The following NAALADL2 variants were observed in gnomAD, a reference collection of about 807,000 sequenced individuals.
NAALADL2 encodes inactive N-acetylated-alpha-linked acidic dipeptidase-like protein 2.
A neutral mutation model predicts 87.2 loss-of-function variants in NAALADL2; 76 were observed. The ratio of observed to expected loss-of-function variants is 0.87; its 90% confidence interval spans 0.72 to 1.05. The LOEUF (loss-of-function observed/expected upper bound fraction) is 1.05, where lower values mean the gene tolerates loss of function less well. NAALADL2 is among the 50% of genes least tolerant of loss of function. The pLI is 0.00. For missense variants in NAALADL2, 1,089 were observed against 945.8 expected (o/e 1.15, Z -1.99); for synonymous variants, 354 against 331.0 (o/e 1.07, Z -0.75).
At chr3:174,666,857 T>C (rs1726000571) in intron 2 of NAALADL2, among the ~76,000 whole-genome samples, 1 of 152,154 alleles carries the variant, frequency 6.6e-6, no homozygotes. Context: ...CTCCAGCCCC[T>C]GCAAACCACC....
At chr3:175,637,296 A>G (rs2149746523) in intron 11 of NAALADL2, among the ~76,000 whole-genome samples, 1 of 152,344 alleles carries the variant, frequency 6.6e-6, no homozygotes, top group South Asian at 2.1e-4. Flanking sequence ...TCAAATTTTT[A>G]TTTCAGCCAT....
In NAALADL2 at chr3:175,704,889, A is replaced by G. The variant is rs533444625; in HGVS notation, c.1897-32417A>G. Among the ~76,000 whole-genome samples the G allele has an allele frequency of 2.6e-5, 4 of 152,338 alleles. No homozygotes were observed. In the East Asian group the frequency reaches 7.7e-4, roughly 29 times the overall value. On this transcript the variant is annotated intron_variant, in intron 11 of 13. Transcript: ENST00000454872. ...AAGTTTCATGTAAGTATGATGAAAC[A>G]TGTGAAAGCATCGTGCACACATTAC...
chr3:175,775,712 T>C (rs867813111), intron 13 of NAALADL2, among the ~76,000 whole-genome samples: 1 of 152,060 alleles, frequency 6.6e-6, no homozygotes, highest in Non-Finnish European at 1.5e-5. Context: ...GGGCACCCCA[T>C]CAGAAAGAAT....
chr3:174,867,105 A>T (rs1727242287), intron 1 of NAALADL2, among the ~76,000 whole-genome samples: 1 of 151,792 alleles, frequency 6.6e-6, no homozygotes, highest in African/African-American at 2.4e-5. Context: ...TCTATGTAAA[A>T]TATTTAACTA....
chr3:174,903,248 C>T (rs541747236), intron 1 of NAALADL2, among the ~76,000 whole-genome samples: 1 of 152,028 alleles, frequency 6.6e-6, no homozygotes, highest in Non-Finnish European at 1.5e-5. Context: ...CCAAGAAATA[C>T]TACTTAATTG....
At chr3:175,009,722 A>T (rs1225893699) in intron 1 of NAALADL2, among the ~76,000 whole-genome samples, 1 of 152,158 alleles carries the variant, frequency 6.6e-6, no homozygotes, top group East Asian at 1.9e-4. Flanking sequence ...CTGGATAGTC[A>T]CAAAATACTT....
At chr3:175,741,042 C>T (rs1745170463) in intron 12 of NAALADL2, among the ~76,000 whole-genome samples, 1 of 152,102 alleles carries the variant, frequency 6.6e-6, no homozygotes, top group Non-Finnish European at 1.5e-5. Context: ...GGGAGAATTG[C>T]TGGACTGATT....
At chr3:174,765,123 TACACAC>T (rs10543370) in intron 3 of NAALADL2, among the ~76,000 whole-genome samples, 20 of 118,974 alleles carry the variant, frequency 1.7e-4, no homozygotes, top group Admixed American at 2.7e-4. Context: ...TACACACACA[TACACAC>T]ACACACACAC....
intron 1 of NAALADL2, among the ~76,000 whole-genome samples, chr3:175,055,396 A>G (rs1405733160): frequency 6.6e-6 from 1 of 152,216 alleles, no homozygotes; most frequent in African/African-American, 2.4e-5. Flanking sequence ...AAGTAATCAT[A>G]TCATTCCCTC....
intron 2 of NAALADL2, among the ~76,000 whole-genome samples, chr3:174,668,562 C>T (rs1726199488): frequency 6.6e-6 from 1 of 152,030 alleles, no homozygotes; most frequent in South Asian, 2.1e-4. Context: ...CAAATGCTAT[C>T]CCTCCCCTCT....
At chr3:174,798,707 T>G (rs1718440621) in intron 3 of NAALADL2, among the ~76,000 whole-genome samples, 2 of 152,000 alleles carry the variant, frequency 1.3e-5, no homozygotes, top group Non-Finnish European at 1.5e-5. Context: ...AAATTTCATT[T>G]TAAGAAAGTT....
At chr3:174,758,831 G>GT (rs111721633) in intron 3 of NAALADL2, among the ~76,000 whole-genome samples, 12 of 152,232 alleles carry the variant, frequency 7.9e-5, no homozygotes, top group African/African-American at 2.6e-4. Flanking sequence ...AAAGCACATA[G>GT]TTTTTTTATA....
At chr3:175,581,519 T>C (rs904327306) in intron 10 of NAALADL2, among the ~76,000 whole-genome samples, 1 of 152,210 alleles carries the variant, frequency 6.6e-6, no homozygotes, top group African/African-American at 2.4e-5. Flanking sequence ...TTTTGTAATA[T>C]GTTGTTTTAT....
intron 4 of NAALADL2, among the ~76,000 whole-genome samples, chr3:175,312,183 G>A (rs994908775): frequency 6.6e-6 from 1 of 152,054 alleles, no homozygotes; most frequent in African/African-American, 2.4e-5. Context: ...AAAAAGAAAG[G>A]ATAACGTAAT....
intron 13 of NAALADL2, among the ~76,000 whole-genome samples, chr3:175,774,681 G>A (rs1749979257): frequency 6.6e-6 from 1 of 152,030 alleles, no homozygotes; most frequent in South Asian, 2.1e-4. Context: ...GCTGCTCAAT[G>A]TGGTAGCCAC....
At chr3:174,893,466 C>T (rs1560333114) in intron 1 of NAALADL2, among the ~76,000 whole-genome samples, 1 of 152,062 alleles carries the variant, frequency 6.6e-6, no homozygotes, top group Non-Finnish European at 1.5e-5. Context: ...AAATGAGGAA[C>T]CAATCAAAAA....
intron 9 of NAALADL2, among the ~76,000 whole-genome samples, chr3:175,476,825 T>C (rs921631885): frequency 1.3e-5 from 2 of 152,090 alleles, no homozygotes; most frequent in Non-Finnish European, 2.9e-5. Flanking sequence ...ACATTTTTGC[T>C]TGAGTGACTG....
chr3:175,097,242 C>G lies in NAALADL2; in HGVS notation c.496C>G (p.Gln166Glu). The G allele has an allele frequency of 6.2e-7, 1 of 1,613,054 alleles. No individual in the cohort carries two copies. Among genetic ancestry groups the G allele is most frequent in the South Asian group, 1.1e-5 (1 of 91,052 alleles). ...AGGAACAGTTGATCCTCAGTTATATCAAGAGATTCTCAAGACAATCCAGGC... is the reference window on the plus strand; with the variant it reads ...AGGAACAGTTGATCCTCAGTTATATGAAGAGATTCTCAAGACAATCCAGGC... ...SSGTVDPQLY[Q>E]EILKTIQAED... The change falls in exon 2 of 14, where the codon CAA (glutamine) becomes GAA (glutamate). Residue 166 changes from glutamine (Q) to glutamate (E), a missense_variant. Transcript: ENST00000454872.
At position 175,808,639 on chromosome 3, in the gene NAALADL2, G is replaced by T. The variant is rs1201185406; in HGVS notation, c.*5436G>T. 1 of 151,906 alleles carries T rather than the reference G, an allele frequency of 6.6e-6. No homozygotes were observed. The highest frequency in any genetic ancestry group is 2.4e-5 in the African/African-American group (1 of 41,402). The allele number at this position is 151,906 out of a possible 1,614,324, so 9.4% of individuals were successfully genotyped here. ...AGGAAACAGATTTTATTTTCCAGGG[G>T]CTAATTAATATGCACCACCTAAGTC... On this transcript the variant is annotated 3_prime_UTR_variant, in exon 14 of 14. Coordinates refer to ENST00000454872, the MANE Select transcript of NAALADL2 (RefSeq NM_207015.3).
Sources: gnomAD v4.1 joint callset for allele counts (sites outside exome capture counted in the v4.1 genomes callset) on GRCh38, gnomAD v4.1.1 for gene constraint, MANE v1.5 for transcripts, NCBI Gene and HGNC (gene_info 2026-07-23, HGNC 2026-07-21) for gene names.